The following CDH23 variants were observed in gnomAD, a reference collection of about 807,000 sequenced individuals.
The protein encoded by CDH23 is cadherin related 23.
Under a neutral mutation model 317.1 loss-of-function variants are expected in CDH23, and 189 were observed. The ratio of observed to expected loss-of-function variants is 0.60; its 90% CI spans 0.53 to 0.67. The LOEUF is 0.67. CDH23 is among the 30% of genes least tolerant of loss of function. The pLI is 0.00. For missense variants in CDH23, 4,401 were observed against 4,592.4 expected (o/e 0.96, Z 1.20); for synonymous variants, 1,839 against 1,876.8 (o/e 0.98, Z 0.52).
At chr10:71,727,925 T>C (rs1866888307) in intron 30 of CDH23, among the ~76,000 whole-genome samples, 1 of 152,132 alleles carries the variant, frequency 6.6e-6, no homozygotes, top group Admixed American at 6.5e-5. Context: ...TCCTCCTGTC[T>C]CTGCTGCTAA....
chr10:71,679,361 G>A, intron 16 of CDH23, 26 bp from the exon 17 acceptor site: 2 of 1,561,498 alleles, frequency 1.3e-6, no homozygotes, highest in East Asian at 2.3e-5. Context: ...CAGGCTCACG[G>A]CCCTTGTCTG....
intron 9 of CDH23, among the ~76,000 whole-genome samples, chr10:71,614,509 C>T (rs764444696): frequency 2.2e-4 from 33 of 152,190 alleles, no homozygotes; most frequent in South Asian, 4.1e-4. Flanking sequence ...GTGTGCCCAG[C>T]GTTGGCCAGG....
At chr10:71,803,786 A>T (rs760105982) in intron 55 of CDH23, among the ~76,000 whole-genome samples, 6 of 147,634 alleles carry the variant, frequency 4.1e-5, no homozygotes, top group African/African-American at 1.5e-4. Flanking sequence ...CCTGGCCAAC[A>T]TAGTGAAACC....
intron 11 of CDH23, among the ~76,000 whole-genome samples, chr10:71,632,621 G>A (rs1862066642): frequency 6.6e-6 from 1 of 152,104 alleles, no homozygotes; most frequent in Admixed American, 6.6e-5. Flanking sequence ...AGGGCAGGCT[G>A]GGGGAGGGGC....
At position 71,702,620 on chromosome 10, in the gene CDH23, G is replaced by T. The variant is rs775481022; in HGVS notation, c.2659G>T (p.Asp887Tyr). ...GAACCTCTTGGATCTCAATGACAAT[G>T]ACCCCACCTTTCAGAACCTGCCTTT... ...FVNLLDLNDN[D>Y]PTFQNLPFVA... Residue 887 changes from aspartate (D) to tyrosine (Y), a missense_variant, in exon 24 of 70, where the codon GAC (aspartate) becomes TAC (tyrosine). Transcript: ENST00000224721. The T allele has an allele frequency of 5.6e-6, 9 of 1,613,968 alleles. No individual in the cohort carries two copies. In the South Asian group the frequency reaches 7.7e-5, roughly 14 times the overall value.
At chr10:71,804,592 T>C (rs1194288813) in intron 55 of CDH23, among the ~76,000 whole-genome samples, 1 of 152,182 alleles carries the variant, frequency 6.6e-6, no homozygotes, top group African/African-American at 2.4e-5. Flanking sequence ...CAAAGAAGCG[T>C]TGTGCCTTTA....
At chr10:71,773,936 A>C (rs1840754029) in intron 38 of CDH23, among the ~76,000 whole-genome samples, 1 of 152,002 alleles carries the variant, frequency 6.6e-6, no homozygotes, top group South Asian at 2.1e-4. Flanking sequence ...CCAGCTGTGG[A>C]ATGAGTGAGT....
intron 1 of CDH23, among the ~76,000 whole-genome samples, chr10:71,407,629 C>T (rs1338374756): frequency 1.3e-5 from 2 of 152,218 alleles, no homozygotes; most frequent in East Asian, 3.8e-4. Flanking sequence ...CAGGCTGGCT[C>T]AGGAGCTCTT....
intron 14 of CDH23, among the ~76,000 whole-genome samples, chr10:71,668,770 G>A (rs1053489466): frequency 1.3e-5 from 2 of 152,194 alleles, no homozygotes; most frequent in Non-Finnish European, 1.5e-5. Flanking sequence ...GGCCTCACCA[G>A]TCCAAGCATG....
At position 71,810,461 on chromosome 10, in the gene CDH23, T is replaced by C. The variant is rs1451397884; in HGVS notation, c.8980-11T>C. The stretch of plus-strand genomic sequence containing the variant: ...TGGTGGCCACACCCTACAATACCCC[T>C]TCTCATCTAGTTCCATGTGGACAAG... On this transcript the variant is annotated splice_polypyrimidine_tract_variant and intron_variant, in intron 61 of 69. Coordinates refer to ENST00000224721, the MANE Select transcript of CDH23 (RefSeq NM_022124.6). 3.1e-6 allele frequency: 5 copies of C among 1,613,654 alleles called. No individual in the cohort carries two copies. Among genetic ancestry groups the C allele is most frequent in the Non-Finnish European group, 4.2e-6 (5 of 1,179,596 alleles).
chr10:71,800,121 G>C (rs1841515800), intron 52 of CDH23, among the ~76,000 whole-genome samples: 1 of 152,240 alleles, frequency 6.6e-6, no homozygotes, highest in Non-Finnish European at 1.5e-5. Flanking sequence ...CAGGAGAAAA[G>C]ATGGGTGATG....
chr10:71,449,409 G>C (rs547436699), intron 3 of CDH23, among the ~76,000 whole-genome samples: 1 of 152,098 alleles, frequency 6.6e-6, no homozygotes, highest in Admixed American at 6.6e-5. Flanking sequence ...GCTGTGGGAC[G>C]GTTCCAGGAA....
intron 3 of CDH23, among the ~76,000 whole-genome samples, chr10:71,460,082 G>A (rs1410841181): frequency 6.6e-6 from 1 of 152,252 alleles, no homozygotes; most frequent in Non-Finnish European, 1.5e-5. Context: ...CTGAGGCTTA[G>A]AGAGGTTGCT....
chr10:71,745,748 G>A (rs750974892), intron 38 of CDH23, among the ~76,000 whole-genome samples: 2 of 152,224 alleles, frequency 1.3e-5, no homozygotes, highest in Non-Finnish European at 2.9e-5. Flanking sequence ...CACTGGATGC[G>A]TGTATGAGGA....
intron 6 of CDH23, among the ~76,000 whole-genome samples, chr10:71,530,034 G>GACACACACACAC (rs57652121): frequency 0.05 from 7,107 of 140,798 alleles, 234 homozygotes; most frequent in Middle Eastern, 0.081. Context: ...CACACATACA[G>GACACACACACAC]ACACACACAC....
At chr10:71,490,306 G>A (rs1852584710) in intron 3 of CDH23, among the ~76,000 whole-genome samples, 1 of 152,184 alleles carries the variant, frequency 6.6e-6, no homozygotes, top group South Asian at 2.1e-4. Flanking sequence ...CCTACTGCAT[G>A]TTATTAGAAT....
chr10:71,728,607 C>T (rs1411773437), intron 30 of CDH23, among the ~76,000 whole-genome samples: 1 of 152,210 alleles, frequency 6.6e-6, no homozygotes, highest in Non-Finnish European at 1.5e-5. Context: ...GAGGCCCCTC[C>T]CTTAGTGCTG....
intron 9 of CDH23, among the ~76,000 whole-genome samples, chr10:71,598,575 G>C (rs1860011288): frequency 6.6e-6 from 1 of 152,190 alleles, no homozygotes; most frequent in Non-Finnish European, 1.5e-5. Context: ...ACAGCTGATG[G>C]GGAAGGAGGC....
chr10:71,814,857 A>G (rs1052501437), intron 69 of CDH23, 95 bp from the exon 70 acceptor site: 2 of 1,394,484 alleles, frequency 1.4e-6, no homozygotes, highest in South Asian at 1.5e-5. Flanking sequence ...TAGGAGCCCA[A>G]GGTTCAGCCA....
Sources: gnomAD v4.1 joint callset for allele counts (sites outside exome capture counted in the v4.1 genomes callset) on GRCh38, gnomAD v4.1.1 for gene constraint, MANE v1.5 for transcripts, NCBI Gene and HGNC (gene_info 2026-07-23, HGNC 2026-07-21) for gene names.